MEF2B: variants seen among roughly 807,000 people sequenced by gnomAD.
The protein encoded by MEF2B is myocyte enhancer factor 2B, also known as myocyte-specific enhancer factor 2B.
In MEF2B, 15 loss-of-function variants were observed where a neutral mutation model predicts 32.2. That is an observed-to-expected ratio of 0.47 (90% CI 0.31 to 0.72). The LOEUF is 0.72. MEF2B is among the 30% of genes least tolerant of loss of function. The probability of loss-of-function intolerance (pLI) is 0.05; values close to 1 mark genes in which losing one functional copy is unlikely to be tolerated. For missense variants in MEF2B, 441 were observed against 511.5 expected, an observed-to-expected ratio of 0.86 and a Z score of 1.33; for synonymous variants, 205 against 225.6, an observed-to-expected ratio of 0.91 and a Z score of 0.82.
chr19:19,145,926 G>A lies in MEF2B; in HGVS notation c.978C>T (p.Ala326=). ...TAGGAAAGTCGCCGGGGCCCCCGGG[G>A]GCCGGAGAGAGGCGCTCAGACTTGA... ...VSIKSERLSP[A]PGGPGDFPKT... is the part of the protein sequence containing the mutation. The change falls in exon 9 of 9, where the codon GCC becomes GCT. Residue 326 remains alanine (A), a synonymous_variant. Coordinates refer to ENST00000424583, the MANE Select transcript of MEF2B (RefSeq NM_001145785.2). The surrounding 1 kb of genome is among the most constrained non-coding windows in gnomAD (Gnocchi z 4.6). The A allele has an allele frequency of 6.9e-7, 1 of 1,442,224 alleles. No individual in the cohort carries two copies. Among genetic ancestry groups the A allele is most frequent in the Non-Finnish European group, 9.1e-7 (1 of 1,097,044 alleles). 89.3% of individuals were successfully genotyped at this position (1,442,224 alleles called of 1,614,324 possible). A position where few individuals can be genotyped will look rare whatever the true frequency, so the allele number is the denominator to read the frequency against.
chr19:19,157,709 G>A (rs764921313), intron 1 of MEF2B, among the ~76,000 whole-genome samples: 1 of 152,162 alleles, frequency 6.6e-6, no homozygotes, highest in Non-Finnish European at 1.5e-5. Flanking sequence ...TTAGCTGGGC[G>A]TGCTGGCATG....
At chr19:19,146,531 G>A (rs2060027347) in intron 7 of MEF2B, 24 bp downstream of exon 7, 1 of 1,516,334 alleles carries the variant, frequency 6.6e-7, no homozygotes, top group Non-Finnish European at 8.8e-7. Flanking sequence ...TCCCAGGTGG[G>A]GCAGGGCAGG....
chr19:19,160,965 T>A (rs1296624571), intron 1 of MEF2B, among the ~76,000 whole-genome samples: 2 of 151,994 alleles, frequency 1.3e-5, no homozygotes, highest in Non-Finnish European at 2.9e-5. Context: ...CTGGCTCAGT[T>A]CACAGCGGTC....
At chr19:19,156,159 C>T (rs565461612) in intron 1 of MEF2B, among the ~76,000 whole-genome samples, 51 of 152,222 alleles carry the variant, frequency 3.4e-4, no homozygotes, top group African/African-American at 1.2e-3. Context: ...TAAGTATCAA[C>T]CTGTGCAAGT....
intron 1 of MEF2B, among the ~76,000 whole-genome samples, chr19:19,160,340 G>T (rs533424430): frequency 6.6e-6 from 1 of 151,940 alleles, no homozygotes; most frequent in South Asian, 2.1e-4. Flanking sequence ...AACTGGGGGC[G>T]CTGAGTCAGT....
At chr19:19,165,208 T>C (rs930683296) in intron 1 of MEF2B, among the ~76,000 whole-genome samples, 1 of 152,094 alleles carries the variant, frequency 6.6e-6, no homozygotes, top group Non-Finnish European at 1.5e-5. Context: ...AGCAGCCACA[T>C]AACCGTATCT....
chr19:19,155,997 A>G (rs1568550447), intron 1 of MEF2B, among the ~76,000 whole-genome samples: 1 of 152,156 alleles, frequency 6.6e-6, no homozygotes, highest in Non-Finnish European at 1.5e-5. Context: ...GAAGAAACCC[A>G]GGAGAGCTTC....
chr19:19,146,363 G>T lies in MEF2B; in HGVS notation c.791C>A (p.Pro264Gln). Residue 264 changes from proline to glutamine, a missense_variant, in exon 8 of 9, where the codon CCA (proline) becomes CAA (glutamine). Physicochemically the swap from Pro to Gln is moderately conservative, Grantham distance 76. This residue lies in a region of MEF2B where 326 missense variants were observed against 328.4 expected (regional missense o/e 0.99). Transcript: ENST00000424583. ...GGGCTGCAACAAGCCAGGGGGCGGTGGAGGGTCTCCCAGGCCATATTCTGG... is the reference window on the plus strand; with the variant it reads ...GGGCTGCAACAAGCCAGGGGGCGGTTGAGGGTCTCCCAGGCCATATTCTGG... The part of the protein sequence containing the change: ...GPPEYGLGDP[P>Q]PPPGLLQPPT... 2 of 1,104,498 alleles carry T rather than the reference G, an allele frequency of 1.8e-6. No homozygotes were observed. Among genetic ancestry groups the T allele is most frequent in the Non-Finnish European group, 1.2e-6 (1 of 819,096 alleles). The allele number at this position is 1,104,498 out of a possible 1,614,324, so 68.4% of individuals were successfully genotyped here.
chr19:19,163,533 G>T (rs1041429882), intron 1 of MEF2B, among the ~76,000 whole-genome samples: 20 of 152,046 alleles, frequency 1.3e-4, no homozygotes, highest in African/African-American at 4.8e-4. Flanking sequence ...TGAGCATCTC[G>T]CCCTGCCGGC....
Position 19,149,430 on chromosome 19 carries a change from CT to C in MEF2B, c.55-2del, listed in dbSNP as rs747984448. On this transcript the variant is annotated splice_acceptor_variant, in intron 2 of 8. Coordinates refer to ENST00000424583, the MANE Select transcript of MEF2B (RefSeq NM_001145785.2). LOFTEE classifies it high-confidence loss of function. The stretch of plus-strand genomic sequence containing the variant: ...CGAACTTCCGCTTGGTGAACGTCAC[CT>C]GGACCCAGGACCCACAGGGGCAGGG... 1 of 1,614,032 alleles carries C rather than the reference CT, an allele frequency of 6.2e-7. No individual in the cohort carries two copies. Among genetic ancestry groups the C allele is most frequent in the South Asian group, 1.1e-5 (1 of 91,076 alleles).
chr19:19,145,818 C>A lies in MEF2B; in HGVS notation c.1086G>T (p.Leu362Phe). ...TCTCCTACCGGGGCCAGCCGTCGGC[C>A]AAGGGCAGCCGGCGCAGGGCGGGCC... ...RPGPALRRLP[L>F]ADGWPR Residue 362 changes from leucine to phenylalanine, a missense_variant, in exon 9 of 9, where the codon TTG becomes TTT. Around this residue, in one of 2 missense-constraint regions of MEF2B, gnomAD observed 326 missense variants for 328.4 expected, o/e 0.99. Transcript: ENST00000424583. This position sits in a 1 kb window ranked among gnomAD's most constrained non-coding sequence, Gnocchi z 4.6. 6.5e-7 allele frequency: 1 copy of A among 1,533,832 alleles called. No homozygotes were observed. The highest frequency in any genetic ancestry group is 8.8e-7 in the Non-Finnish European group (1 of 1,137,298).
chr19:19,158,168 A>C (rs1490885127), intron 1 of MEF2B, among the ~76,000 whole-genome samples: 1 of 149,534 alleles, frequency 6.7e-6, no homozygotes, highest in Admixed American at 6.7e-5. Context: ...GCTCATTGAA[A>C]CCTCCACTTC....
chr19:19,163,508 T>C (rs574634707), intron 1 of MEF2B, among the ~76,000 whole-genome samples: 20 of 152,138 alleles, frequency 1.3e-4, no homozygotes, highest in Non-Finnish European at 2.4e-4. Context: ...TGTGTTTCTT[T>C]ATTGCTTTCT....
intron 1 of MEF2B, among the ~76,000 whole-genome samples, chr19:19,152,234 C>T (rs2060088657): frequency 1.3e-5 from 2 of 151,492 alleles, no homozygotes. Context: ...GTTGGGATTA[C>T]CACCGCATCC....
rs1026191107 is a variant in MEF2B at position 19,145,681 on chromosome 19, G to A, written c.*116C>T. 25 of 1,547,992 alleles carry A rather than the reference G, an allele frequency of 1.6e-5. No individual in the cohort carries two copies. The African/African-American group carries it at 3.1e-4, about 19-fold the overall frequency. On this transcript the variant is annotated 3_prime_UTR_variant, in exon 9 of 9. Transcript: ENST00000424583. This position sits in a 1 kb window ranked among gnomAD's most constrained non-coding sequence, Gnocchi z 4.6. ...AGCCGCCCACCTCCAAGCCCCCACC[G>A]CGGAGGGGGGCGTCACTGTTGGGTC...
chr19:19,156,323 C>A (rs2060119966), intron 1 of MEF2B, among the ~76,000 whole-genome samples: 1 of 151,784 alleles, frequency 6.6e-6, no homozygotes, highest in Admixed American at 6.6e-5. Flanking sequence ...CTTTGGGAGG[C>A]CGAGGTGGGA....
chr19:19,162,804 C>G (rs986831837), intron 1 of MEF2B, among the ~76,000 whole-genome samples: 2 of 152,204 alleles, frequency 1.3e-5, no homozygotes, highest in Non-Finnish European at 2.9e-5. Flanking sequence ...GTAGGCCAGT[C>G]AGTCCAGGAT....
chr19:19,165,511 G>A (rs1762268922), intron 1 of MEF2B, among the ~76,000 whole-genome samples: 1 of 152,150 alleles, frequency 6.6e-6, no homozygotes, highest in Non-Finnish European at 1.5e-5. Context: ...AGGTGGGACT[G>A]TGCTAAACAG....
At chr19:19,168,184 A>G (rs1007836423) in intron 1 of MEF2B, among the ~76,000 whole-genome samples, 2 of 152,092 alleles carry the variant, frequency 1.3e-5, no homozygotes, top group East Asian at 3.9e-4. Context: ...CCGAATGCCC[A>G]AGGTCCAGGG....
Sources: allele counts gnomAD v4.1 joint callset (sites outside exome capture counted in the v4.1 genomes callset), GRCh38; gene constraint gnomAD v4.1.1; regional missense constraint gnomAD v4.1.1; non-coding constraint Gnocchi (gnomAD v3.1); transcripts MANE v1.5; gene names NCBI Gene and HGNC (gene_info 2026-07-23, HGNC 2026-07-21).